JMJD1C: variants seen among roughly 807,000 people sequenced by gnomAD.
JMJD1C encodes the protein jumonji domain-containing protein 1C.
In JMJD1C, 31 loss-of-function variants were observed where a neutral mutation model predicts 245.3. That is an observed-to-expected ratio of 0.13 (90% CI 0.09 to 0.17). JMJD1C has a LOEUF of 0.17. Among genes scored for constraint, JMJD1C ranks in the 10% least tolerant of loss-of-function variants. JMJD1C has a pLI of 1.00. For missense variants in JMJD1C, 2,691 were observed against 3,000.2 expected, an observed-to-expected ratio of 0.90 and a Z score of 2.41; for synonymous variants, 1,057 against 1,017.4, an observed-to-expected ratio of 1.04 and a Z score of -0.74.
At position 63,215,127 on chromosome 10, in the gene JMJD1C, T is replaced by C. The variant is rs1191818210; in HGVS notation, c.1040A>G (p.His347Arg). 4.5e-6 allele frequency: 7 copies of C among 1,567,168 alleles called. No homozygotes were observed. Among genetic ancestry groups the C allele is most frequent in the Non-Finnish European group, 6.0e-6 (7 of 1,161,886 alleles). ...AGGTTTCCTTCTTTTATTCATCAAG[T>C]GTTTGTTTTTACCTTTAGGATTTTC... ...RGENPKGKNK[H>R]LMNKRRKPEE... The change falls in exon 8 of 26, where the codon CAC becomes CGC. Residue 347 changes from histidine (H) to arginine (R), a missense_variant. His to Arg is a conservative substitution (Grantham distance 29, BLOSUM62 0). Coordinates refer to ENST00000399262, the MANE Select transcript of JMJD1C (RefSeq NM_032776.3).
chr10:63,327,741 T>G (rs1012331561), intron 2 of JMJD1C, among the ~76,000 whole-genome samples: 2 of 152,046 alleles, frequency 1.3e-5, no homozygotes, highest in African/African-American at 4.8e-5. Context: ...CAATCTTGGC[T>G]CACTGCAACC....
chr10:63,306,495 A>C (rs1938255934), intron 2 of JMJD1C, among the ~76,000 whole-genome samples: 1 of 152,236 alleles, frequency 6.6e-6, no homozygotes, highest in Non-Finnish European at 1.5e-5. Context: ...TAGAAGTCTA[A>C]GATCAAGGTG....
intron 3 of JMJD1C, among the ~76,000 whole-genome samples, chr10:63,223,331 G>A (rs1421762125): frequency 3.3e-5 from 5 of 150,270 alleles, no homozygotes; most frequent in African/African-American, 7.3e-5. Flanking sequence ...AAGTTCAAGC[G>A]ATTCTCCTGC....
In JMJD1C at chr10:63,500,723, CGAT is replaced by C. The variant is rs554480660; in HGVS notation, n.113+21012_113+21014del. Among the ~76,000 whole-genome samples, 457 of 120,200 alleles carry C rather than the reference CGAT, an allele frequency of 3.8e-3. 2 individuals are homozygous for C. The highest frequency in any genetic ancestry group is 0.013 in the African/African-American group (443 of 35,006). The allele number at this position is 120,200 out of a possible 152,430, so 78.9% of individuals were successfully genotyped here. On this transcript the variant is annotated intron_variant and non_coding_transcript_variant, in intron 1 of 3. Transcript: ENST00000633035. ...CCTGGGCAACAGAGCAAGACTGTCT[CGAT>C]GGATGGATGGATGGATGGAAGGATG...
chr10:63,487,268 T>C lies in JMJD1C; in HGVS notation n.113+34470A>G, dbSNP rs574637183. Among the ~76,000 whole-genome samples, 12 of 152,302 alleles carry C rather than the reference T, an allele frequency of 7.9e-5. No homozygotes were observed. In the South Asian group the frequency reaches 2.3e-3, roughly 29 times the overall value. ...ACAAAATATGGATTTATAGTGACAA[T>C]GACCTGTGTCATTTTTCATCAGGAC... is the stretch of plus-strand genomic sequence containing the variant. On this transcript the variant is annotated intron_variant and non_coding_transcript_variant, in intron 1 of 3. Coordinates refer to the JMJD1C transcript ENST00000633035.
chr10:63,333,988 G>A (rs1942434030), intron 2 of JMJD1C, among the ~76,000 whole-genome samples: 1 of 152,038 alleles, frequency 6.6e-6, no homozygotes, highest in Non-Finnish European at 1.5e-5. Flanking sequence ...TAGAATCAGA[G>A]GCTATTTGGT....
At chr10:63,489,792 G>A (rs769075149) in intron 1 of JMJD1C, among the ~76,000 whole-genome samples, 7 of 152,122 alleles carry the variant, frequency 4.6e-5, no homozygotes, top group South Asian at 2.1e-4. Context: ...GATTACAGGC[G>A]TGAGCCACTG....
At chr10:63,307,050 A>C (rs1938349848) in intron 2 of JMJD1C, among the ~76,000 whole-genome samples, 1 of 152,186 alleles carries the variant, frequency 6.6e-6, no homozygotes, top group Non-Finnish European at 1.5e-5. Context: ...TTCTGATATT[A>C]CTTCTTAAAC....
intron 2 of JMJD1C, among the ~76,000 whole-genome samples, chr10:63,373,926 A>G (rs150721782): frequency 6.6e-6 from 1 of 152,264 alleles, no homozygotes; most frequent in Admixed American, 6.5e-5. Context: ...ACTTAAATTG[A>G]CTATTTTCTT....
Position 63,206,819 on chromosome 10 carries a change from T to A in JMJD1C, c.4850A>T (p.Lys1617Ile). The A allele has an allele frequency of 6.2e-7, 1 of 1,600,928 alleles. No homozygotes were observed. The highest frequency in any genetic ancestry group is 8.5e-7 in the Non-Finnish European group (1 of 1,176,318). Residue 1617 changes from lysine to isoleucine, a missense_variant, in exon 10 of 26, where the codon AAA becomes ATA. Transcript: ENST00000399262. ...YVKDDKVNRR[K>I]AKRTYESGSE... ...GCCAGATTCATAAGTTCTTTTGGCT[T>A]TTCTCCTGTTGACTTTATCATCTTT...
At chr10:63,302,424 G>A (rs1860212240) in intron 2 of JMJD1C, among the ~76,000 whole-genome samples, 1 of 152,044 alleles carries the variant, frequency 6.6e-6, no homozygotes, top group Non-Finnish European at 1.5e-5. Flanking sequence ...TTTCAAAAAC[G>A]TGTTCAAAAC....
intron 2 of JMJD1C, among the ~76,000 whole-genome samples, chr10:63,318,506 C>T (rs1297138569): frequency 2.6e-5 from 4 of 152,004 alleles, no homozygotes; most frequent in Admixed American, 2.6e-4. Flanking sequence ...CCCTTTTCTG[C>T]CATTTCCTTC....
chr10:63,437,905 T>C (rs1951146864), intron 1 of JMJD1C, among the ~76,000 whole-genome samples: 1 of 152,216 alleles, frequency 6.6e-6, no homozygotes, highest in South Asian at 2.1e-4. Flanking sequence ...CTGGATTTCA[T>C]ACCTCCCTGT....
chr10:63,466,221 G>A, upstream of JMJD1C: 1 of 172,662 alleles, frequency 5.8e-6, no homozygotes, highest in African/African-American at 2.4e-5. Flanking sequence ...AAAGCTTTTG[G>A]GGGTCTACCT....
At chr10:63,315,797 G>A (rs1023460412) in intron 2 of JMJD1C, among the ~76,000 whole-genome samples, 1 of 138,460 alleles carries the variant, frequency 7.2e-6, no homozygotes, top group East Asian at 2.1e-4. Flanking sequence ...CCAAGATTGC[G>A]CCACTGCACT....
Position 63,324,589 on chromosome 10 carries a change from GCTT to G in JMJD1C, c.333+55726_333+55728del, listed in dbSNP as rs567265473. 1.9e-3 allele frequency among the ~76,000 whole-genome samples: 295 copies of G among 152,304 alleles called. 2 individuals are homozygous for G. The highest frequency in any genetic ancestry group is 6.8e-3 in the African/African-American group (281 of 41,570). The stretch of plus-strand genomic sequence containing the variant: ...AAACAGATTCCTTCATTCAATGAAT[GCTT>G]CTTAAGAACTTGATATGTGACAAGC... On this transcript the variant is annotated intron_variant, in intron 2 of 25. Coordinates refer to ENST00000399262, the MANE Select transcript of JMJD1C (RefSeq NM_032776.3).
chr10:63,277,507 G>C (rs934952194), intron 2 of JMJD1C, among the ~76,000 whole-genome samples: 7 of 152,034 alleles, frequency 4.6e-5, no homozygotes, highest in Non-Finnish European at 1.0e-4. Context: ...TTTTACAAAA[G>C]GGCAGCTTTT....
In JMJD1C at chr10:63,519,251, C is replaced by A. The variant is rs554235895; in HGVS notation, n.113+2487G>T. On this transcript the variant is annotated intron_variant and non_coding_transcript_variant, in intron 1 of 3. Transcript: ENST00000633035. ...TAGGGACATTTCAGAGAGCAGCCAG[C>A]CATCCTACCTAGGTTGCCTTCAGCA... 3.3e-5 allele frequency among the ~76,000 whole-genome samples: 5 copies of A among 152,300 alleles called. No homozygotes were observed. In the East Asian group the frequency reaches 9.7e-4, roughly 29 times the overall value.
intron 1 of JMJD1C, among the ~76,000 whole-genome samples, chr10:63,389,328 AGAAAAAG>A (rs1947867254): frequency 1.4e-5 from 2 of 147,050 alleles, no homozygotes; most frequent in African/African-American, 5.1e-5. Context: ...AAAAAAAAAA[AGAAAAAG>A]AAAAAAGATC....
Sources: gnomAD v4.1 joint callset for allele counts (sites outside exome capture counted in the v4.1 genomes callset) on GRCh38, gnomAD v4.1.1 for gene constraint, MANE v1.5 for transcripts, NCBI Gene and HGNC (gene_info 2026-07-23, HGNC 2026-07-21) for gene names.